KCNMB3: variants seen among roughly 807,000 people sequenced by gnomAD.
KCNMB3 encodes the protein calcium-activated potassium channel subunit beta-3.
A neutral mutation model predicts 11.9 loss-of-function variants in KCNMB3; 18 were observed. The ratio of observed to expected loss-of-function variants is 1.51; its 90% CI spans 1.04 to 2.23. The LOEUF is 2.23. Among genes scored for constraint, KCNMB3 ranks in the 30% most tolerant of loss-of-function variants. KCNMB3 has a pLI of 0.00. For synonymous variants in KCNMB3, 78 were observed against 119.2 expected (o/e 0.65, Z 2.25); for missense variants, 247 against 329.4 (o/e 0.75, Z 1.94).
At chr3:179,253,973 G>T (rs140656821), upstream of KCNMB3, among the ~76,000 whole-genome samples, 24 of 152,212 alleles carry the variant, frequency 1.6e-4, no homozygotes, top group East Asian at 4.6e-3. Context: ...AAAAGAATTG[G>T]AAATACTCAA....
At chr3:179,259,376 CCT>C (rs1726127215) in intron 1 of KCNMB3, 1 of 1,576,820 alleles carries the variant, frequency 6.3e-7, no homozygotes, top group Admixed American at 1.8e-5. Flanking sequence ...CACCACCAGC[CCT>C]CGGGCCTGAT....
chr3:179,251,498 T>C (rs1725842113), upstream of KCNMB3: 2 of 1,385,746 alleles, frequency 1.4e-6, no homozygotes, highest in Non-Finnish European at 1.9e-6. Context: ...TCACCCTCCT[T>C]CTCCTCCTCT....
At chr3:179,258,227 G>A (rs1239355351) in intron 1 of KCNMB3, among the ~76,000 whole-genome samples, 1 of 152,154 alleles carries the variant, frequency 6.6e-6, no homozygotes, top group Non-Finnish European at 1.5e-5. Flanking sequence ...AAATACTGCA[G>A]TAGGAAATGT....
In KCNMB3 at chr3:179,251,000, A is replaced by T; in HGVS notation, c.-10T>A. ...AAAGAAGGGGGAACATTTCCAATCC[A>T]TGGGGACTGGAGGGATAATCTCATT... On this transcript the variant is annotated 5_prime_UTR_variant, in exon 1 of 3. An upstream start codon of the reference 5' UTR is lost. Transcript: ENST00000392685. 1 of 1,614,186 alleles carries T rather than the reference A, an allele frequency of 6.2e-7. No homozygotes were observed. The highest frequency in any genetic ancestry group is 8.5e-7 in the Non-Finnish European group (1 of 1,180,034).
At chr3:179,261,707 T>C (rs1417434358) in intron 1 of KCNMB3, among the ~76,000 whole-genome samples, 2 of 152,256 alleles carry the variant, frequency 1.3e-5, no homozygotes, top group Non-Finnish European at 2.9e-5. Context: ...TCTCTTGAGA[T>C]GCTGGGCAGT....
intron 1 of KCNMB3, chr3:179,260,683 T>C: frequency 7.3e-7 from 1 of 1,374,114 alleles, no homozygotes; most frequent in Non-Finnish European, 1.0e-6. Flanking sequence ...AATTTAGGAT[T>C]ATTCCATGTT....
At chr3:179,240,071 AT>A, downstream of KCNMB3, 1 of 1,529,332 alleles carries the variant, frequency 6.5e-7, no homozygotes, top group Non-Finnish European at 8.8e-7. Flanking sequence ...CACGCTGTTT[AT>A]TAAAAAAAAA....
chr3:179,266,872 G>C, exon 1 of KCNMB3: 5 of 1,430,784 alleles, frequency 3.5e-6, no homozygotes, highest in Non-Finnish European at 4.6e-6. Flanking sequence ...TCCTGGAGAG[G>C]TGAGAACTTC....
intron 2 of KCNMB3, among the ~76,000 whole-genome samples, chr3:179,243,501 T>G (rs182765703): frequency 6.6e-6 from 1 of 152,204 alleles, no homozygotes; most frequent in Non-Finnish European, 1.5e-5. Flanking sequence ...TGGAAGAGAA[T>G]TCTTAGTTAT....
At chr3:179,263,163 A>G (rs1421525129) in intron 1 of KCNMB3, among the ~76,000 whole-genome samples, 1 of 152,202 alleles carries the variant, frequency 6.6e-6, no homozygotes, top group East Asian at 1.9e-4. Context: ...GGGGAGGCTC[A>G]GGTATGGCGG....
downstream of KCNMB3, chr3:179,239,716 G>A (rs902231921): frequency 1.4e-5 from 5 of 355,680 alleles, no homozygotes; most frequent in African/African-American, 1.1e-4. Flanking sequence ...TCACCTGGAA[G>A]CTTTATCAAG....
intron 1 of KCNMB3, among the ~76,000 whole-genome samples, chr3:179,247,870 C>CCTTT (rs1229992666): frequency 6.6e-6 from 1 of 152,032 alleles, no homozygotes; most frequent in Non-Finnish European, 1.5e-5. Context: ...TTTTATGACC[C>CCTTT]CTTTCCCTCA....
chr3:179,264,570 C>T (rs971984642), intron 1 of KCNMB3, among the ~76,000 whole-genome samples: 6 of 152,216 alleles, frequency 3.9e-5, no homozygotes, highest in Non-Finnish European at 7.3e-5. Flanking sequence ...GACTGACTTT[C>T]CCACCCAGCC....
intron 1 of KCNMB3, among the ~76,000 whole-genome samples, chr3:179,248,948 A>AG (rs1357629335): frequency 6.6e-6 from 1 of 150,748 alleles, no homozygotes; most frequent in African/African-American, 2.4e-5. Context: ...GGAGTTCAAG[A>AG]CTGCAATGAG....
At chr3:179,245,379 C>A (rs369638525) in intron 1 of KCNMB3, among the ~76,000 whole-genome samples, 11 of 152,276 alleles carry the variant, frequency 7.2e-5, no homozygotes, top group African/African-American at 2.4e-4. Context: ...AGAATACTTA[C>A]CATATTTTTG....
intron 1 of KCNMB3, among the ~76,000 whole-genome samples, chr3:179,262,767 A>G (rs1043084821): frequency 6.6e-6 from 1 of 152,222 alleles, no homozygotes; most frequent in Non-Finnish European, 1.5e-5. Context: ...TAGATTAGCT[A>G]GATACAGAGT....
At chr3:179,264,594 T>C (rs887637690) in intron 1 of KCNMB3, among the ~76,000 whole-genome samples, 9 of 152,194 alleles carry the variant, frequency 5.9e-5, no homozygotes, top group African/African-American at 1.4e-4. Context: ...GTACGACACA[T>C]GGCTACAGGC....
At chr3:179,265,924 C>T (rs999273134) in intron 1 of KCNMB3, among the ~76,000 whole-genome samples, 1 of 152,092 alleles carries the variant, frequency 6.6e-6, no homozygotes, top group Non-Finnish European at 1.5e-5. Flanking sequence ...GGGGAGAAAA[C>T]GGGTCCTGAA....
intron 1 of KCNMB3, among the ~76,000 whole-genome samples, chr3:179,246,049 G>T (rs1291115154): frequency 6.6e-6 from 1 of 152,166 alleles, no homozygotes; most frequent in South Asian, 2.1e-4. Context: ...CATATAGGTG[G>T]ACTCCTGTGT....
Sources: allele counts gnomAD v4.1 joint callset (sites outside exome capture counted in the v4.1 genomes callset), GRCh38; gene constraint gnomAD v4.1.1; transcripts MANE v1.5; gene names NCBI Gene and HGNC (gene_info 2026-07-23, HGNC 2026-07-21).